The following CFAP95 variants were observed in gnomAD, a reference collection of about 807,000 sequenced individuals.
The protein encoded by CFAP95 is cilia- and flagella-associated protein 95.
chr9:69,830,289 G>A, the CFAP95 span, among the ~76,000 whole-genome samples: 1 of 152,170 alleles, frequency 6.6e-6, no homozygotes, highest in African/African-American at 2.4e-5. Flanking sequence ...CTAGGCAAGG[G>A]CAAATGGAAA....
chr9:69,877,158 T>G, the CFAP95 span, among the ~76,000 whole-genome samples: 4 of 152,318 alleles, frequency 2.6e-5, no homozygotes, highest in Admixed American at 6.5e-5. Flanking sequence ...TTTATAAGAC[T>G]AAAGGTTTAG....
chr9:69,891,109 G>C, the CFAP95 span, among the ~76,000 whole-genome samples: 9 of 152,174 alleles, frequency 5.9e-5, no homozygotes, highest in African/African-American at 2.2e-4. Context: ...TCCAAAGCTG[G>C]CTGTTAGAAA....
the CFAP95 span, among the ~76,000 whole-genome samples, chr9:69,896,279 G>C: frequency 6.6e-6 from 1 of 152,158 alleles, no homozygotes; most frequent in African/African-American, 2.4e-5. Context: ...TTGTGCATTA[G>C]AAACAAACAA....
chr9:69,868,130 T>C, the CFAP95 span, among the ~76,000 whole-genome samples: 1 of 152,240 alleles, frequency 6.6e-6, no homozygotes, highest in South Asian at 2.1e-4. Flanking sequence ...GTTCAAATTG[T>C]GGGGACTGAT....
At chr9:69,894,482 G>A in the CFAP95 span, among the ~76,000 whole-genome samples, 2 of 152,148 alleles carry the variant, frequency 1.3e-5, no homozygotes, top group Non-Finnish European at 2.9e-5. Flanking sequence ...GAGGAAGAGA[G>A]GAATGAAGTA....
chr9:69,827,926 C>G, the CFAP95 span, among the ~76,000 whole-genome samples: 1 of 152,246 alleles, frequency 6.6e-6, no homozygotes, highest in East Asian at 1.9e-4. Flanking sequence ...GGAAAGAGAG[C>G]GAGCAGATGC....
chr9:69,900,853 G>A, the CFAP95 span, among the ~76,000 whole-genome samples: 1 of 152,170 alleles, frequency 6.6e-6, no homozygotes, highest in Non-Finnish European at 1.5e-5. Context: ...AGAAATGGGG[G>A]CCAGGAAGCT....
At chr9:69,839,146 T>C in the CFAP95 span, among the ~76,000 whole-genome samples, 91 of 72,890 alleles carry the variant, frequency 1.2e-3, no homozygotes, top group Middle Eastern at 4.5e-3. Context: ...CAGTATTTTA[T>C]TGAGGATTTT....
At chr9:69,839,308 G>C in the CFAP95 span, among the ~76,000 whole-genome samples, 1 of 147,304 alleles carries the variant, frequency 6.8e-6, no homozygotes, top group African/African-American at 2.5e-5. Context: ...CAGAAGGAAT[G>C]GTACCAGTTC....
At chr9:69,821,308 G>C in the CFAP95 span, among the ~76,000 whole-genome samples, 218 of 152,272 alleles carry the variant, frequency 1.4e-3, no homozygotes, top group African/African-American at 4.8e-3. Context: ...GAAATAGAGA[G>C]AGTGGGAGAG....
the CFAP95 span, among the ~76,000 whole-genome samples, chr9:69,878,135 A>G: frequency 6.6e-6 from 1 of 152,118 alleles, no homozygotes; most frequent in African/African-American, 2.4e-5. Context: ...GAAACATAGG[A>G]GGGAGTGATG....
the CFAP95 span, among the ~76,000 whole-genome samples, chr9:69,901,212 A>G: frequency 1.3e-5 from 2 of 149,968 alleles, no homozygotes; most frequent in Non-Finnish European, 3.0e-5. Context: ...ATCTTGGCTC[A>G]CTGCAAGCTC....
the CFAP95 span, among the ~76,000 whole-genome samples, chr9:69,873,951 T>A: frequency 1.3e-5 from 2 of 152,200 alleles, no homozygotes; most frequent in African/African-American, 4.8e-5. Context: ...AGACACCTTT[T>A]CCTTTCTTAT....
chr9:69,829,983 T>C, the CFAP95 span, among the ~76,000 whole-genome samples: 1 of 152,308 alleles, frequency 6.6e-6, no homozygotes, highest in South Asian at 2.1e-4. Context: ...CTCAGGATAT[T>C]CCTGGATGAT....
At chr9:69,894,960 C>T in the CFAP95 span, among the ~76,000 whole-genome samples, 2 of 149,212 alleles carry the variant, frequency 1.3e-5, no homozygotes, top group African/African-American at 5.0e-5. Flanking sequence ...CACTGCATTC[C>T]AACCTGGGTG....
chr9:69,830,503 C>T, the CFAP95 span, among the ~76,000 whole-genome samples: 2 of 152,224 alleles, frequency 1.3e-5, no homozygotes, highest in African/African-American at 2.4e-5. Flanking sequence ...TTAAACTCTC[C>T]CTCCCCAGCC....
the CFAP95 span, among the ~76,000 whole-genome samples, chr9:69,826,041 A>G: frequency 6.6e-6 from 1 of 152,320 alleles, no homozygotes; most frequent in African/African-American, 2.4e-5. Flanking sequence ...TAAACAGAAA[A>G]AAAGGGAAGA....
the CFAP95 span, among the ~76,000 whole-genome samples, chr9:69,880,159 T>A: frequency 1.3e-5 from 2 of 152,202 alleles, no homozygotes; most frequent in African/African-American, 4.8e-5. Context: ...TATACTCTTT[T>A]AGTTATTTTA....
the CFAP95 span, among the ~76,000 whole-genome samples, chr9:69,894,826 C>A: frequency 6.6e-6 from 1 of 152,074 alleles, no homozygotes; most frequent in African/African-American, 2.4e-5. Flanking sequence ...CTTTGGAAGG[C>A]TGAGGTGGGC....
Sources: allele counts gnomAD v4.1 joint callset (sites outside exome capture counted in the v4.1 genomes callset), GRCh38; gene constraint gnomAD v4.1.1; transcripts MANE v1.5; gene names NCBI Gene and HGNC (gene_info 2026-07-23, HGNC 2026-07-21).